The following TBC1D19 variants were observed in gnomAD, a reference collection of about 807,000 sequenced individuals.
TBC1D19 encodes TBC1 domain family, member 19.
TBC1D19 carries 60 observed loss-of-function variants against 89.0 expected under a neutral mutation model. The observed-to-expected ratio is 0.67, with a 90% CI of 0.55 to 0.84. TBC1D19 has a LOEUF of 0.84. Among genes scored for constraint, TBC1D19 ranks in the 40% least tolerant of loss-of-function variants. TBC1D19 has a pLI of 0.00. For missense variants in TBC1D19, 500 were observed against 610.8 expected (o/e 0.82, Z 1.91); for synonymous variants, 189 against 199.7 (o/e 0.95, Z 0.45).
intron 13 of TBC1D19, among the ~76,000 whole-genome samples, chr4:26,701,068 A>G (rs1715286374): frequency 6.6e-6 from 1 of 152,158 alleles, no homozygotes; most frequent in East Asian, 1.9e-4. Flanking sequence ...CTTTAACTTC[A>G]TAAGTTCACT....
intron 4 of TBC1D19, among the ~76,000 whole-genome samples, chr4:26,636,488 T>TA (rs71643685): frequency 0.54 from 70,781 of 130,942 alleles, 19,632 homozygotes; most frequent in African/African-American, 0.65. Context: ...GTCAGTATCA[T>TA]AAAAAAAAAA....
At chr4:26,815,754 G>C in the TBC1D19 span, among the ~76,000 whole-genome samples, 4 of 152,140 alleles carry the variant, frequency 2.6e-5, no homozygotes, top group Non-Finnish European at 5.9e-5. Flanking sequence ...ATTCTGACTT[G>C]GTATAATTTC....
At chr4:26,766,963 A>G in the TBC1D19 span, among the ~76,000 whole-genome samples, 1 of 152,210 alleles carries the variant, frequency 6.6e-6, no homozygotes, top group Non-Finnish European at 1.5e-5. Context: ...AGCTCAGAAC[A>G]ATAAGACACA....
At chr4:26,851,098 T>C in the TBC1D19 span, among the ~76,000 whole-genome samples, 1 of 152,190 alleles carries the variant, frequency 6.6e-6, no homozygotes. Context: ...GCCTTTAGAC[T>C]CTGGGACTGG....
intron 1 of TBC1D19, among the ~76,000 whole-genome samples, chr4:26,585,488 A>T (rs28862718): frequency 0.024 from 3,685 of 151,634 alleles, 155 homozygotes; most frequent in African/African-American, 0.085. Flanking sequence ...AAAAAAAAAT[A>T]GTGTTGTCTT....
At chr4:26,643,970 T>C (rs1743731229) in intron 7 of TBC1D19, among the ~76,000 whole-genome samples, 1 of 152,128 alleles carries the variant, frequency 6.6e-6, no homozygotes, top group African/African-American at 2.4e-5. Context: ...ACGAGATGGA[T>C]TCACAGCCGA....
intron 7 of TBC1D19, among the ~76,000 whole-genome samples, chr4:26,647,282 G>C (rs1041928102): frequency 5.9e-5 from 9 of 152,188 alleles, no homozygotes; most frequent in Non-Finnish European, 1.3e-4. Flanking sequence ...AAGGTGATAA[G>C]CTGAGTTAAG....
At chr4:26,688,287 T>C (rs1713990310) in intron 12 of TBC1D19, 58 bp from the exon 13 acceptor site, 1 of 1,512,324 alleles carries the variant, frequency 6.6e-7, no homozygotes, top group South Asian at 1.3e-5. Context: ...GTGTATGCTT[T>C]AGTACTACAG....
chr4:26,765,592 T>TTTATTCTACTCTCTATGTCACATCTCTG, the TBC1D19 span, among the ~76,000 whole-genome samples: 1 of 152,124 alleles, frequency 6.6e-6, no homozygotes, highest in Admixed American at 6.5e-5. Context: ...CGGGGATGTG[T>TTTATTCTACTCTCTATGTCACATCTCTG]AGGTGAACCG....
chr4:26,844,038 A>G, the TBC1D19 span, among the ~76,000 whole-genome samples: 1 of 152,256 alleles, frequency 6.6e-6, no homozygotes, highest in Non-Finnish European at 1.5e-5. Flanking sequence ...AACACTGGGG[A>G]AAATATTTTA....
At chr4:26,786,101 T>G in the TBC1D19 span, among the ~76,000 whole-genome samples, 1 of 152,214 alleles carries the variant, frequency 6.6e-6, no homozygotes, top group African/African-American at 2.4e-5. Context: ...TTCTTTGGGT[T>G]CCAGGAGGCA....
chr4:26,579,604 T>C (rs183066172), upstream of TBC1D19, among the ~76,000 whole-genome samples: 662 of 152,150 alleles, frequency 4.4e-3, 17 homozygotes, highest in Admixed American at 0.04. Flanking sequence ...CAATCCATCA[T>C]CTACGTTTTA....
chr4:26,668,986 TACACAC>T (rs3839171), intron 9 of TBC1D19, among the ~76,000 whole-genome samples: 39,180 of 146,826 alleles, frequency 0.27, 5,258 homozygotes, highest in Middle Eastern at 0.33. Context: ...TTTAAATACA[TACACAC>T]ACACACACAC....
chr4:26,839,340 A>G, the TBC1D19 span, among the ~76,000 whole-genome samples: 3 of 152,220 alleles, frequency 2.0e-5, no homozygotes, highest in Non-Finnish European at 2.9e-5. Flanking sequence ...ACAGTAATAA[A>G]TACTTATGAT....
the TBC1D19 span, among the ~76,000 whole-genome samples, chr4:26,836,759 C>T: frequency 6.6e-6 from 1 of 152,188 alleles, no homozygotes; most frequent in Non-Finnish European, 1.5e-5. Context: ...TCCAGCAGTT[C>T]CAGCCATGTC....
At chr4:26,826,461 G>A in the TBC1D19 span, among the ~76,000 whole-genome samples, 375 of 152,096 alleles carry the variant, frequency 2.5e-3, 1 homozygote, top group African/African-American at 8.1e-3. Flanking sequence ...TTAGAGGGGG[G>A]AAAAATAAGT....
chr4:26,801,010 A>G, the TBC1D19 span, among the ~76,000 whole-genome samples: 2 of 152,138 alleles, frequency 1.3e-5, no homozygotes, highest in South Asian at 4.1e-4. Flanking sequence ...TCTTTAGTTT[A>G]ATTAGATCCC....
the TBC1D19 span, among the ~76,000 whole-genome samples, chr4:26,805,841 C>T: frequency 5.9e-5 from 9 of 152,256 alleles, no homozygotes; most frequent in African/African-American, 2.2e-4. Context: ...ACTAAAAATA[C>T]AAAAATTAAA....
At chr4:26,776,774 T>C in the TBC1D19 span, among the ~76,000 whole-genome samples, 1 of 152,224 alleles carries the variant, frequency 6.6e-6, no homozygotes, top group Admixed American at 6.5e-5. Flanking sequence ...ATCTTAAATA[T>C]GTTATTCTGT....
Sources: gnomAD v4.1 joint callset for allele counts (sites outside exome capture counted in the v4.1 genomes callset) on GRCh38, gnomAD v4.1.1 for gene constraint, MANE v1.5 for transcripts, NCBI Gene and HGNC (gene_info 2026-07-23, HGNC 2026-07-21) for gene names.